GPHN: variants seen among roughly 807,000 people sequenced by gnomAD.
The protein encoded by GPHN is gephyrin.
A neutral mutation model predicts 95.5 loss-of-function variants in GPHN; 17 were observed. That is an observed-to-expected ratio of 0.18 (90% CI 0.12 to 0.27). The LOEUF (loss-of-function observed/expected upper bound fraction) is 0.27. Among genes scored for constraint, GPHN ranks in the 10% least tolerant of loss-of-function variants. The pLI is 1.00. For missense variants in GPHN, 660 were observed against 978.1 expected, an observed-to-expected ratio of 0.67 and a Z score of 4.34; for synonymous variants, 320 against 322.5, an observed-to-expected ratio of 0.99 and a Z score of 0.08.
chr14:67,575,784 C>G, the GPHN span: 1 of 1,539,202 alleles, frequency 6.5e-7, no homozygotes, highest in Non-Finnish European at 8.9e-7. Flanking sequence ...CCCTCATCCC[C>G]CACTGGCTCT....
At chr14:67,108,954 T>C (rs2078207004) in intron 13 of GPHN, among the ~76,000 whole-genome samples, 1 of 152,120 alleles carries the variant, frequency 6.6e-6, no homozygotes, top group South Asian at 2.1e-4. Context: ...AAATATGTTG[T>C]TGGGCAATTT....
the GPHN span, chr14:67,241,939 TAGAAGTC>T: frequency 6.6e-6 from 1 of 152,202 alleles, no homozygotes. Context: ...CGCTTTCCTT[TAGAAGTC>T]AGAATGTAGT....
At chr14:66,532,659 T>C (rs538018334) in intron 1 of GPHN, among the ~76,000 whole-genome samples, 5 of 152,194 alleles carry the variant, frequency 3.3e-5, no homozygotes, top group African/African-American at 1.2e-4. Flanking sequence ...GGAACAATTA[T>C]TATAAGAATA....
chr14:67,168,897 C>A, intron 20 of GPHN, 36 bp from the exon 21 acceptor site: 1 of 1,272,900 alleles, frequency 7.9e-7, no homozygotes, highest in Non-Finnish European at 1.2e-6. Flanking sequence ...AATTGTTACA[C>A]AGTGTATTAT....
intron 9 of GPHN, among the ~76,000 whole-genome samples, chr14:67,014,421 G>T (rs2073188008): frequency 6.6e-6 from 1 of 151,936 alleles, no homozygotes; most frequent in Admixed American, 6.6e-5. Context: ...ACTCCCCAAA[G>T]TTCTTTTGTT....
chr14:67,378,755 G>A, the GPHN span, among the ~76,000 whole-genome samples: 1 of 151,908 alleles, frequency 6.6e-6, no homozygotes, highest in Non-Finnish European at 1.5e-5. Flanking sequence ...ATTCATGTAG[G>A]GACTGTCCAG....
At chr14:66,998,330 G>C (rs1176736118) in intron 9 of GPHN, among the ~76,000 whole-genome samples, 1 of 151,962 alleles carries the variant, frequency 6.6e-6, no homozygotes, top group Non-Finnish European at 1.5e-5. Flanking sequence ...GGTCTCCATA[G>C]GTGCTGTTTA....
intron 1 of GPHN, among the ~76,000 whole-genome samples, chr14:66,583,351 T>C (rs1194112083): frequency 1.3e-5 from 2 of 152,172 alleles, no homozygotes; most frequent in Non-Finnish European, 2.9e-5. Context: ...TTCACTCTGA[T>C]GGTAGTTTCT....
intron 17 of GPHN, among the ~76,000 whole-genome samples, chr14:67,140,281 G>C (rs1409396055): frequency 6.6e-6 from 1 of 151,868 alleles, no homozygotes; most frequent in Non-Finnish European, 1.5e-5. Flanking sequence ...CTCCTTGGGA[G>C]ACTGAGGCAG....
intron 2 of GPHN, among the ~76,000 whole-genome samples, chr14:66,717,085 A>G (rs1224004967): frequency 6.6e-6 from 1 of 152,118 alleles, no homozygotes; most frequent in African/African-American, 2.4e-5. Context: ...TCCCCAAAAT[A>G]TGTTTTCCAA....
At chr14:66,577,210 G>C (rs1365577292) in intron 1 of GPHN, among the ~76,000 whole-genome samples, 1 of 152,144 alleles carries the variant, frequency 6.6e-6, no homozygotes, top group Non-Finnish European at 1.5e-5. Flanking sequence ...AGTGGCATGG[G>C]ACTTGAAATA....
At chr14:67,364,346 C>T in the GPHN span, 2 of 155,414 alleles carry the variant, frequency 1.3e-5, no homozygotes, top group Non-Finnish European at 2.8e-5. Context: ...TGAGTGGTAG[C>T]GTATACAATG....
intron 16 of GPHN, among the ~76,000 whole-genome samples, chr14:67,120,595 T>C (rs2078965842): frequency 6.6e-6 from 1 of 152,224 alleles, no homozygotes; most frequent in African/African-American, 2.4e-5. Context: ...GGAATCTTAC[T>C]TAGTTCGTGG....
At chr14:66,593,315 A>G (rs972245757) in intron 1 of GPHN, among the ~76,000 whole-genome samples, 52 of 151,640 alleles carry the variant, frequency 3.4e-4, no homozygotes, top group African/African-American at 1.2e-3. Context: ...AAAAAAAAAA[A>G]CAAACAACTG....
chr14:67,549,196 T>C, the GPHN span, among the ~76,000 whole-genome samples: 2 of 152,134 alleles, frequency 1.3e-5, no homozygotes, highest in South Asian at 4.1e-4. Context: ...TCTGATTTGT[T>C]TTGGGAGAAG....
In GPHN at chr14:66,942,332, T is replaced by A. The variant is rs554014413; in HGVS notation, c.828+18040T>A. ...TGGCCCCATTTAGTTAACTTTTGTG[T>A]TGCTTAATATTGATGAACATTTTAT... is the stretch of plus-strand genomic sequence containing the variant. On this transcript the variant is annotated intron_variant, in intron 8 of 22. Transcript: ENST00000478722. Among the ~76,000 whole-genome samples the A allele has an allele frequency of 2.0e-5, 3 of 152,306 alleles. No homozygotes were observed. In the South Asian group the frequency reaches 6.2e-4, roughly 32 times the overall value.
chr14:66,716,172 T>C (rs2070164812), intron 2 of GPHN, among the ~76,000 whole-genome samples: 2 of 152,236 alleles, frequency 1.3e-5, no homozygotes, highest in African/African-American at 4.8e-5. Flanking sequence ...GTTTTATAAA[T>C]TTGGGACCTC....
the GPHN span, chr14:67,301,846 T>A: frequency 1.9e-6 from 2 of 1,069,676 alleles, no homozygotes; most frequent in South Asian, 4.2e-5. Flanking sequence ...TCTTTATTAT[T>A]AGCTCTAATT....
At position 66,658,117 on chromosome 14, in the gene GPHN, C is replaced by G. The variant is rs550642804; in HGVS notation, c.65-22990C>G. 4.6e-5 allele frequency among the ~76,000 whole-genome samples: 7 copies of G among 152,036 alleles called. No individual in the cohort carries two copies. In the South Asian group the frequency reaches 1.5e-3, roughly 32 times the overall value. On this transcript the variant is annotated intron_variant, in intron 1 of 22. Coordinates refer to ENST00000478722, the MANE Select transcript of GPHN (RefSeq NM_020806.5). ...TGATTCGACCCTTTATGGATCAGTT[C>G]GAGGGGTTTATGACTTCATTGGTGG... is the stretch of plus-strand genomic sequence containing the variant.
Sources: allele counts gnomAD v4.1 joint callset (sites outside exome capture counted in the v4.1 genomes callset), GRCh38; gene constraint gnomAD v4.1.1; transcripts MANE v1.5; gene names NCBI Gene and HGNC (gene_info 2026-07-23, HGNC 2026-07-21).